Variants in MCHR2 observed in about 807,000 individuals in gnomAD.
The protein encoded by MCHR2 is melanin-concentrating hormone receptor 2.
A neutral mutation model predicts 24.8 loss-of-function variants in MCHR2; 15 were observed. That is an observed-to-expected ratio of 0.60 (90% CI 0.40 to 0.93). The LOEUF (loss-of-function observed/expected upper bound fraction) is 0.93, where lower values mean the gene tolerates loss of function less well. Ranked by LOEUF, MCHR2 falls within the 40% of genes least tolerant of loss-of-function variation. The probability of loss-of-function intolerance (pLI) is 0.00; values close to 1 mark genes in which losing one functional copy is unlikely to be tolerated. For missense variants in MCHR2, 386 were observed against 408.7 expected (o/e 0.94, Z 0.48); for synonymous variants, 151 against 147.6 (o/e 1.02, Z -0.17).
chr6:99,979,134 T>G (rs1775617180), intron 1 of MCHR2, among the ~76,000 whole-genome samples: 1 of 152,134 alleles, frequency 6.6e-6, no homozygotes, highest in African/African-American at 2.4e-5. Flanking sequence ...TTGATAGTGG[T>G]AGAGCGTCTT....
intron 5 of MCHR2, among the ~76,000 whole-genome samples, chr6:99,932,485 G>A (rs1774567111): frequency 6.6e-6 from 1 of 152,164 alleles, no homozygotes; most frequent in African/African-American, 2.4e-5. Flanking sequence ...AATAGTGAAA[G>A]GGATAAATAG....
intron 5 of MCHR2, among the ~76,000 whole-genome samples, chr6:99,929,250 A>C (rs1774446063): frequency 6.6e-6 from 1 of 152,102 alleles, no homozygotes; most frequent in Non-Finnish European, 1.5e-5. Context: ...GGAGAGCTTT[A>C]CTTCCAAGTA....
At chr6:99,991,603 C>T (rs1267978199) in intron 1 of MCHR2, among the ~76,000 whole-genome samples, 1 of 151,944 alleles carries the variant, frequency 6.6e-6, no homozygotes, top group Non-Finnish European at 1.5e-5. Flanking sequence ...GTCAGGAGAT[C>T]GAGACCATCC....
Position 99,956,185 on chromosome 6 carries a change from A to G in MCHR2, c.-27-11T>C. 1 of 1,522,670 alleles carries G rather than the reference A, an allele frequency of 6.6e-7. No individual in the cohort carries two copies. Among genetic ancestry groups the G allele is most frequent in the African/African-American group, 1.4e-5 (1 of 72,364 alleles). 94.3% of individuals were successfully genotyped at this position (1,522,670 alleles called of 1,614,324 possible). On this transcript the variant is annotated splice_polypyrimidine_tract_variant and intron_variant, in intron 1 of 5. Coordinates refer to ENST00000281806, the MANE Select transcript of MCHR2 (RefSeq NM_001040179.2). ...TTCCAGGGATTAAAGCTGTGAAGTA[A>G]TAGGAAGTGATTTATTTAGTGAACA...
intron 2 of MCHR2, among the ~76,000 whole-genome samples, chr6:99,948,725 C>T (rs999730529): frequency 6.6e-6 from 1 of 152,126 alleles, no homozygotes; most frequent in Non-Finnish European, 1.5e-5. Context: ...AAGATTTAGT[C>T]TTTACTCATT....
At chr6:99,969,413 G>T (rs1256677762) in intron 1 of MCHR2, among the ~76,000 whole-genome samples, 4 of 141,336 alleles carry the variant, frequency 2.8e-5, no homozygotes, top group African/African-American at 1.1e-4. Flanking sequence ...GGTGGAGGTT[G>T]CAGTGAGCCA....
chr6:99,921,247 G>A lies in MCHR2; in HGVS notation c.716C>T (p.Pro239Leu). 5 of 1,612,536 alleles carry A rather than the reference G, an allele frequency of 3.1e-6. No individual in the cohort carries two copies. Among genetic ancestry groups the A allele is most frequent in the South Asian group, 1.1e-5 (1 of 90,992 alleles). The change falls in exon 6 of 6, where the codon CCC (proline) becomes CTC (leucine). Residue 239 changes from proline (P) to leucine (L), a missense_variant. Pro to Leu is a moderately conservative substitution (Grantham distance 98). Transcript: ENST00000281806. ...QQNKDARCCNPSVPKQRVMKL... is the reference protein window; with the variant it reads ...QQNKDARCCNLSVPKQRVMKL... The stretch of plus-strand genomic sequence containing the variant: ...CATCACTCTCTGTTTTGGTACACTG[G>A]GATTGCAGCTGCAGAGGAAACATTC...
intron 3 of MCHR2, among the ~76,000 whole-genome samples, chr6:99,946,478 G>A (rs1033870495): frequency 1.3e-5 from 2 of 152,094 alleles, no homozygotes; most frequent in African/African-American, 2.4e-5. Context: ...ACTTAGAAGG[G>A]TGAAAGAGGC....
At chr6:99,924,474 G>A (rs1324089388) in intron 5 of MCHR2, among the ~76,000 whole-genome samples, 1 of 151,710 alleles carries the variant, frequency 6.6e-6, no homozygotes, top group Non-Finnish European at 1.5e-5. Context: ...TGCTTTTCTA[G>A]TTCTTTAAGG....
chr6:99,965,209 A>C (rs1404480587), intron 1 of MCHR2, among the ~76,000 whole-genome samples: 2 of 152,158 alleles, frequency 1.3e-5, no homozygotes, highest in Non-Finnish European at 2.9e-5. Flanking sequence ...GTTTCAAGGC[A>C]ATAATCTAAC....
At chr6:99,952,351 T>A (rs1774981033) in intron 2 of MCHR2, among the ~76,000 whole-genome samples, 1 of 152,180 alleles carries the variant, frequency 6.6e-6, no homozygotes, top group Non-Finnish European at 1.5e-5. Context: ...TGAAGCTCCA[T>A]CTTCCTTAAA....
chr6:99,972,724 CT>C (rs1469232374), intron 1 of MCHR2, among the ~76,000 whole-genome samples: 3 of 151,980 alleles, frequency 2.0e-5, no homozygotes, highest in Non-Finnish European at 2.9e-5. Flanking sequence ...CCTCTACATA[CT>C]GCTTTGAATG....
intron 1 of MCHR2, among the ~76,000 whole-genome samples, chr6:99,957,695 T>C (rs1405122993): frequency 6.6e-6 from 1 of 152,086 alleles, no homozygotes; most frequent in African/African-American, 2.4e-5. Flanking sequence ...AATTTAATTA[T>C]ATTTCCATAT....
At position 99,921,280 on chromosome 6, in the gene MCHR2, C is replaced by A. The variant is rs370336943; in HGVS notation, c.708-25G>T. ...GCTGCAGAGGAAACATTCAGATAGA[C>A]AGGGTATAAACAACCATAGAAATTA... On this transcript the variant is annotated intron_variant, in intron 5 of 5. Transcript: ENST00000281806. 8.1e-6 allele frequency: 13 copies of A among 1,601,196 alleles called. No homozygotes were observed. The African/African-American group carries it at 1.7e-4, about 21-fold the overall frequency.
intron 1 of MCHR2, among the ~76,000 whole-genome samples, chr6:99,979,636 T>A (rs2894938): frequency 0.89 from 135,100 of 152,246 alleles, 60,104 homozygotes; most frequent in East Asian, 0.99. Flanking sequence ...TTCTTTTTAC[T>A]TTTTAATGTG....
Position 99,993,649 on chromosome 6 carries a change from TC to T in MCHR2, c.-28+286del, listed in dbSNP as rs199942415. 6.6e-3 allele frequency among the ~76,000 whole-genome samples: 1,005 copies of T among 152,066 alleles called. 11 individuals carry two copies. The highest frequency in any genetic ancestry group is 0.023 in the African/African-American group (965 of 41,490). ...GGGCCGCTGCTTCCCGGAAAGCCAC[TC>T]CCTTTTTCTTTTCCCACCTGTGTTT... On this transcript the variant is annotated intron_variant, in intron 1 of 5. Coordinates refer to ENST00000281806, the MANE Select transcript of MCHR2 (RefSeq NM_001040179.2).
intron 1 of MCHR2, among the ~76,000 whole-genome samples, chr6:99,989,598 A>G (rs900959863): frequency 6.6e-6 from 1 of 152,160 alleles, no homozygotes; most frequent in Non-Finnish European, 1.5e-5. Flanking sequence ...CGATGGGAAC[A>G]ATGGTCCCCC....
chr6:99,921,663 A>G (rs978007070), intron 5 of MCHR2, among the ~76,000 whole-genome samples: 7 of 152,140 alleles, frequency 4.6e-5, no homozygotes, highest in Non-Finnish European at 7.4e-5. Context: ...TAAAAGTACA[A>G]TTATTATTGA....
At chr6:99,991,808 C>CAAAAAA (rs3038469) in intron 1 of MCHR2, among the ~76,000 whole-genome samples, 26,207 of 81,312 alleles carry the variant, frequency 0.32, 4,452 homozygotes, top group Non-Finnish European at 0.34. Flanking sequence ...GACTCCGTCT[C>CAAAAAA]AAAAAAAAAA....
Sources: allele counts gnomAD v4.1 joint callset (sites outside exome capture counted in the v4.1 genomes callset), GRCh38; gene constraint gnomAD v4.1.1; transcripts MANE v1.5; gene names NCBI Gene and HGNC (gene_info 2026-07-23, HGNC 2026-07-21).